The following DNAH12 variants were observed in gnomAD, a reference collection of about 807,000 sequenced individuals.
The protein encoded by DNAH12 is axonemal beta dynein heavy chain 12.
DNAH12 carries 285 observed loss-of-function variants against 371.5 expected under a neutral mutation model. The ratio of observed to expected loss-of-function variants is 0.77; its 90% CI spans 0.70 to 0.85. The LOEUF (loss-of-function observed/expected upper bound fraction) is 0.85. Among genes scored for constraint, DNAH12 ranks in the 40% least tolerant of loss-of-function variants. DNAH12 has a pLI of 0.00. For synonymous variants in DNAH12, 1,200 were observed against 1,213.0 expected (o/e 0.99, Z 0.22); for missense variants, 3,611 against 3,689.4 (o/e 0.98, Z 0.55).
intron 28 of DNAH12, 140 bp downstream of exon 28, chr3:57,445,034 C>A: frequency 8.5e-7 from 1 of 1,180,938 alleles, no homozygotes; most frequent in East Asian, 2.6e-5. Context: ...ACAACATAAC[C>A]CAAAAAACCA....
intron 60 of DNAH12, among the ~76,000 whole-genome samples, chr3:57,351,701 A>G (rs1422452671): frequency 3.3e-5 from 5 of 152,206 alleles, no homozygotes; most frequent in African/African-American, 9.6e-5. Context: ...TATGTAATAT[A>G]TATATATGTC....
chr3:57,527,912 C>T (rs2068703490), intron 2 of DNAH12, among the ~76,000 whole-genome samples: 1 of 152,162 alleles, frequency 6.6e-6, no homozygotes, highest in African/African-American at 2.4e-5. Context: ...TTTGCTTTGG[C>T]TGCCTGTACT....
chr3:57,537,809 C>T (rs183526383), intron 2 of DNAH12, among the ~76,000 whole-genome samples: 3 of 151,916 alleles, frequency 2.0e-5, no homozygotes, highest in East Asian at 1.9e-4. Flanking sequence ...CTCAGCCTCC[C>T]GAGTAGCTAG....
chr3:57,424,155 G>C (rs1041027016), intron 35 of DNAH12, among the ~76,000 whole-genome samples: 3 of 152,024 alleles, frequency 2.0e-5, no homozygotes, highest in African/African-American at 7.2e-5. Context: ...CTTTATTGTT[G>C]ATCAAATTAT....
chr3:57,300,203 C>T (rs1181806397), intron 70 of DNAH12, among the ~76,000 whole-genome samples: 31 of 152,168 alleles, frequency 2.0e-4, no homozygotes, highest in Admixed American at 2.0e-3. Context: ...TCTTTACCTA[C>T]GATTGTCTTG....
chr3:57,529,858 T>C (rs1344289047), intron 2 of DNAH12, among the ~76,000 whole-genome samples: 1 of 152,134 alleles, frequency 6.6e-6, no homozygotes, highest in Non-Finnish European at 1.5e-5. Context: ...TCTTTGTTGA[T>C]GTAGACACTT....
intron 13 of DNAH12, among the ~76,000 whole-genome samples, chr3:57,476,910 T>A: frequency 6.6e-6 from 1 of 152,138 alleles, no homozygotes; most frequent in Non-Finnish European, 1.5e-5. Context: ...ATACACAAAA[T>A]TAGTGAAACT....
At chr3:57,554,050 C>T in the DNAH12 span, among the ~76,000 whole-genome samples, 1 of 151,588 alleles carries the variant, frequency 6.6e-6, no homozygotes, top group Admixed American at 6.6e-5. Context: ...AATGAAACCC[C>T]GTCTAATTTT....
intron 19 of DNAH12, among the ~76,000 whole-genome samples, chr3:57,460,873 T>C (rs2066036464): frequency 6.6e-6 from 1 of 152,294 alleles, no homozygotes; most frequent in Middle Eastern, 3.4e-3. Flanking sequence ...ACTTTGAAGG[T>C]CTGCTGCAGG....
At position 57,452,980 on chromosome 3, in the gene DNAH12, G is replaced by T; in HGVS notation, c.3649C>A (p.Gln1217Lys). 6.5e-7 allele frequency: 1 copy of T among 1,549,680 alleles called. No homozygotes were observed. The highest frequency in any genetic ancestry group is 1.4e-5 in the African/African-American group (1 of 73,078). Reference protein sequence around the residue: ...SHDTDFLWLAQLRYYWENENA... With the variant: ...SHDTDFLWLAKLRYYWENENA... ...TCATTTTCCCAATAATATCGGAGCT[G>T]AGCAAGCCACAGGAAATCTGTATCA... Residue 1217 changes from glutamine (Q) to lysine (K), a missense_variant, in exon 25 of 74, where the codon CAG (glutamine) becomes AAG (lysine). Transcript: ENST00000495027.
At chr3:57,415,401 C>A in intron 38 of DNAH12, 25 bp downstream of exon 38, 2 of 1,542,818 alleles carry the variant, frequency 1.3e-6, no homozygotes, top group Middle Eastern at 1.7e-4. Flanking sequence ...TAACGATAGA[C>A]CCCCATTTCT....
rs999070515 is a variant in DNAH12, at chr3:57,373,124, C to G, written c.8759+2247G>C. Among the ~76,000 whole-genome samples the G allele has an allele frequency of 2.0e-5, 3 of 151,860 alleles. No homozygotes were observed. The South Asian group carries it at 6.2e-4, about 32-fold the overall frequency. ...AACTGTAAAAAGTACACTGCTTTTC[C>G]AGGTCATGACTCTTTTTCTGAGAAC... On this transcript the variant is annotated intron_variant, in intron 55 of 73. Coordinates refer to ENST00000495027, the MANE Select transcript of DNAH12 (RefSeq NM_001366028.2).
intron 16 of DNAH12, among the ~76,000 whole-genome samples, chr3:57,469,710 C>T (rs1274444191): frequency 6.6e-6 from 1 of 152,144 alleles, no homozygotes; most frequent in Non-Finnish European, 1.5e-5. Flanking sequence ...GGCCATTATC[C>T]TAAGCAAATT....
Position 57,462,854 on chromosome 3 carries a change from T to G in DNAH12, c.2371A>C (p.Ile791Leu). ...GCTCTCATTCCTGGATTGCACAGAA[T>G]GGAGACAGTAGGAATATATTCCTAA... Reference protein sequence around the residue: ...AFKEYIPTVSILCNPGMRARH... With the variant: ...AFKEYIPTVSLLCNPGMRARH... The change falls in exon 18 of 74, where the codon ATT becomes CTT. Residue 791 changes from isoleucine (I) to leucine (L), a missense_variant. Physicochemically the swap from Ile to Leu is conservative, Grantham distance 5 (BLOSUM62 2). This residue lies in a region of DNAH12 where 1,314 missense variants were observed against 1,398.7 expected (regional missense o/e 0.94). Coordinates refer to ENST00000495027, the MANE Select transcript of DNAH12 (RefSeq NM_001366028.2). 6.4e-7 allele frequency: 1 copy of G among 1,551,342 alleles called. No homozygotes were observed. Among genetic ancestry groups the G allele is most frequent in the East Asian group, 2.4e-5 (1 of 40,900 alleles).
At chr3:57,309,892 C>A in intron 67 of DNAH12, 38 bp from the exon 68 acceptor site, 1 of 1,520,406 alleles carries the variant, frequency 6.6e-7, no homozygotes, top group Non-Finnish European at 8.8e-7. Context: ...CATATTTTCC[C>A]TGGATACTGA....
At chr3:57,366,702 T>C (rs1452043475) in intron 57 of DNAH12, 27 bp downstream of exon 57, 1 of 152,232 alleles carries the variant, frequency 6.6e-6, no homozygotes, top group Admixed American at 6.5e-5. Flanking sequence ...TTTTAAACCA[T>C]CTAGAAGCAT....
rs546468344 is a variant in DNAH12, at chr3:57,408,375, T to A, written c.6181A>T (p.Ile2061Phe). 6 of 1,551,588 alleles carry A rather than the reference T, an allele frequency of 3.9e-6. No individual in the cohort carries two copies. Among genetic ancestry groups the A allele is most frequent in the Non-Finnish European group, 5.2e-6 (6 of 1,146,926 alleles). Reference sequence around the variant, plus strand: ...TAGAATGCTACAATAGATGAGAAGATTCGGACCATAGTTTCATCACTAAAA... The same window carrying A: ...TAGAATGCTACAATAGATGAGAAGAATCGGACCATAGTTTCATCACTAAAA... ...NSFSDETMVR[I>F]FSSIVAFYLR... Residue 2061 changes from isoleucine (I) to phenylalanine (F), a missense_variant, in exon 40 of 74, where the codon ATC (isoleucine) becomes TTC (phenylalanine). Coordinates refer to ENST00000495027, the MANE Select transcript of DNAH12 (RefSeq NM_001366028.2).
chr3:57,467,921 C>T (rs1196265776), intron 17 of DNAH12, among the ~76,000 whole-genome samples: 1 of 152,142 alleles, frequency 6.6e-6, no homozygotes, highest in East Asian at 1.9e-4. Flanking sequence ...AAGATGCAAA[C>T]AGATGTAATT....
intron 35 of DNAH12, 157 bp from the exon 36 acceptor site, chr3:57,421,863 G>T: frequency 1.8e-5 from 9 of 503,726 alleles, no homozygotes; most frequent in Middle Eastern, 5.7e-4. Context: ...AAGCCACATA[G>T]TCATTTCTCT....
Sources: allele counts gnomAD v4.1 joint callset (sites outside exome capture counted in the v4.1 genomes callset), GRCh38; gene constraint gnomAD v4.1.1; regional missense constraint gnomAD v4.1.1; transcripts MANE v1.5; gene names NCBI Gene and HGNC (gene_info 2026-07-23, HGNC 2026-07-21).